The following ZNF705G variants were observed in gnomAD, a reference collection of about 807,000 sequenced individuals.
ZNF705G encodes the protein zinc finger protein 705G, also known as putative zinc finger protein 705G.
In ZNF705G, 23 loss-of-function variants were observed where a neutral mutation model predicts 19.6. The observed-to-expected ratio is 1.17, with a 90% CI of 0.84 to 1.66. The LOEUF is 1.66. Ranked by LOEUF, ZNF705G falls within the 40% of genes most tolerant of loss-of-function variation. ZNF705G has a pLI of 0.00. For missense variants in ZNF705G, 457 were observed against 354.4 expected, an observed-to-expected ratio of 1.29 and a Z score of -2.32; for synonymous variants, 146 against 117.7, an observed-to-expected ratio of 1.24 and a Z score of -1.56.
intron 1 of ZNF705G, among the ~76,000 whole-genome samples, chr8:7,383,727 A>G: frequency 1.3e-5 from 2 of 149,446 alleles, no homozygotes; most frequent in African/African-American, 5.2e-5. Context: ...AAGAGGCCTG[A>G]AGGAGCTCGT....
chr8:7,359,296 C>G (rs1329218446), intron 6 of ZNF705G, among the ~76,000 whole-genome samples: 22 of 149,690 alleles, frequency 1.5e-4, no homozygotes, highest in Non-Finnish European at 2.2e-4. Context: ...ATTGCATACA[C>G]ATTATCTCCT....
intron 4 of ZNF705G, 31 bp downstream of exon 4, chr8:7,361,079 T>C (rs1806565016): frequency 6.3e-7 from 1 of 1,592,846 alleles, no homozygotes; most frequent in Non-Finnish European, 8.5e-7. Flanking sequence ...AATGTGTCTC[T>C]ACATATGTAC....
intron 4 of ZNF705G, 84 bp from the exon 5 acceptor site, chr8:7,360,416 A>G: frequency 6.3e-7 from 1 of 1,574,860 alleles, no homozygotes; most frequent in Non-Finnish European, 8.6e-7. Context: ...GCTATCAAGG[A>G]AGAATAAAAA....
intron 2 of ZNF705G, among the ~76,000 whole-genome samples, chr8:7,363,946 CCCCG>C (rs937826528): frequency 7.4e-5 from 11 of 149,602 alleles, no homozygotes; most frequent in African/African-American, 2.0e-4. Context: ...AGCAGGAGTA[CCCCG>C]AGTCATGGTG....
At chr8:7,378,468 CT>C in intron 2 of ZNF705G, among the ~76,000 whole-genome samples, 1 of 87,978 alleles carries the variant, frequency 1.1e-5, no homozygotes, top group South Asian at 4.4e-4. Flanking sequence ...CTTCCTACGG[CT>C]CCTATAACAA....
rs1806711587 is a variant in ZNF705G, at chr8:7,363,696, C to A, written c.-71-679G>T. Among the ~76,000 whole-genome samples the A allele has an allele frequency of 2.0e-5, 3 of 149,476 alleles. No homozygotes were observed. The South Asian group carries it at 6.3e-4, about 31-fold the overall frequency. On this transcript the variant is annotated intron_variant, in intron 2 of 6. Coordinates refer to ENST00000400156, the MANE Select transcript of ZNF705G (RefSeq NM_001164457.3). ...ATTAACTGGGTATGGTGGTGCTTGC[C>A]TGTAATCCCAGCTACTCAGGAGGCT...
intron 2 of ZNF705G, among the ~76,000 whole-genome samples, chr8:7,368,229 T>C (rs1486043915): frequency 6.7e-6 from 1 of 149,684 alleles, no homozygotes; most frequent in Non-Finnish European, 1.5e-5. Flanking sequence ...TTGAGACTAC[T>C]ACTAAAAACC....
intron 1 of ZNF705G, among the ~76,000 whole-genome samples, chr8:7,382,782 TTC>T (rs1282478769): frequency 1.4e-5 from 2 of 146,832 alleles, no homozygotes; most frequent in South Asian, 2.1e-4. Flanking sequence ...AGAGGTTAAA[TTC>T]TCTCTCTTCT....
At chr8:7,385,405 C>T (rs1464558036) in intron 1 of ZNF705G, 93 bp downstream of exon 1, 1 of 148,802 alleles carries the variant, frequency 6.7e-6, no homozygotes, top group African/African-American at 2.6e-5. Context: ...CTGTTGTCTA[C>T]ATTCCTGTCT....
At chr8:7,383,130 T>TTC (rs1554528978) in intron 1 of ZNF705G, among the ~76,000 whole-genome samples, 1 of 149,252 alleles carries the variant, frequency 6.7e-6, no homozygotes, top group Non-Finnish European at 1.5e-5. Flanking sequence ...GTTTGATTTT[T>TTC]TTTTTTTTTT....
intron 2 of ZNF705G, among the ~76,000 whole-genome samples, chr8:7,367,437 CA>C (rs1372201884): frequency 1.3e-5 from 2 of 149,432 alleles, no homozygotes; most frequent in East Asian, 3.8e-4. Flanking sequence ...TGTTAAGAGA[CA>C]AAAATGGCAA....
chr8:7,356,561 T>C lies in ZNF705G; in HGVS notation c.*1415A>G, dbSNP rs1806265940. On this transcript the variant is annotated 3_prime_UTR_variant, in exon 7 of 7. Coordinates refer to ENST00000400156, the MANE Select transcript of ZNF705G (RefSeq NM_001164457.3). ...CTATGCAATGACACACTGAGAAATC[T>C]AGCAAGTGGGGCTGAAGATCCCTGG... The C allele has an allele frequency of 6.7e-6, 1 of 149,618 alleles. No individual in the cohort carries two copies. Among genetic ancestry groups the C allele is most frequent in the Non-Finnish European group, 1.5e-5 (1 of 68,014 alleles). The allele number at this position is 149,618 out of a possible 1,614,324, so 9.3% of individuals were successfully genotyped here.
rs1220111877 is a variant in ZNF705G, at chr8:7,357,331, T to C, written c.*645A>G. ...TATTTAGCTCATGAAGGCTTTCCTC[T>C]CTTATTTTCCATTTTAGCAGCATTT... On this transcript the variant is annotated 3_prime_UTR_variant, in exon 7 of 7. Coordinates refer to ENST00000400156, the MANE Select transcript of ZNF705G (RefSeq NM_001164457.3). 6.5e-6 allele frequency: 1 copy of C among 152,962 alleles called. No individual in the cohort carries two copies. The highest frequency in any genetic ancestry group is 1.4e-5 in the Non-Finnish European group (1 of 69,704). The allele number at this position is 152,962 out of a possible 1,614,324, so 9.5% of individuals were successfully genotyped here.
At chr8:7,370,484 T>C (rs1284136938) in intron 2 of ZNF705G, among the ~76,000 whole-genome samples, 1 of 149,364 alleles carries the variant, frequency 6.7e-6, no homozygotes, top group Admixed American at 6.6e-5. Flanking sequence ...AACCCTTGTA[T>C]ACTTGTGGTG....
chr8:7,363,139 G>T, intron 2 of ZNF705G, 122 bp from the exon 3 acceptor site: 1 of 1,243,570 alleles, frequency 8.0e-7, no homozygotes, highest in Non-Finnish European at 1.1e-6. Context: ...CTAACCAACA[G>T]ACACAAACAT....
intron 2 of ZNF705G, among the ~76,000 whole-genome samples, chr8:7,370,137 G>A (rs1429085901): frequency 1.4e-5 from 2 of 147,926 alleles, no homozygotes; most frequent in Non-Finnish European, 2.9e-5. Flanking sequence ...TGGGCATGGT[G>A]CCGGGTGCCT....
intron 2 of ZNF705G, among the ~76,000 whole-genome samples, chr8:7,369,698 C>T (rs1283174153): frequency 6.7e-6 from 1 of 149,616 alleles, no homozygotes; most frequent in Non-Finnish European, 1.5e-5. Context: ...ATATGTACAC[C>T]ATGGAATACT....
At position 7,364,902 on chromosome 8, in the gene ZNF705G, T is replaced by G. The variant is rs559070281; in HGVS notation, c.-71-1885A>C. Among the ~76,000 whole-genome samples, 2 of 149,522 alleles carry G rather than the reference T, an allele frequency of 1.3e-5. 1 individual carries two copies. The highest frequency in any genetic ancestry group is 5.1e-5 in the African/African-American group (2 of 38,920). ...TTCAAAAAAATAAGATATTAGAGAA[T>G]GCCTACAAAGCTTCAGTGAAACCAG... On this transcript the variant is annotated intron_variant, in intron 2 of 6. Coordinates refer to ENST00000400156, the MANE Select transcript of ZNF705G (RefSeq NM_001164457.3).
intron 1 of ZNF705G, among the ~76,000 whole-genome samples, chr8:7,382,550 T>C (rs1807543808): frequency 6.8e-6 from 1 of 146,546 alleles, no homozygotes; most frequent in South Asian, 2.1e-4. Context: ...TAAACATTTT[T>C]TATTTCTTCC....
Sources: gnomAD v4.1 joint callset for allele counts (sites outside exome capture counted in the v4.1 genomes callset) on GRCh38, gnomAD v4.1.1 for gene constraint, MANE v1.5 for transcripts, NCBI Gene and HGNC (gene_info 2026-07-23, HGNC 2026-07-21) for gene names.